Variants in ZNF451 observed in about 807,000 individuals in gnomAD.
ZNF451 encodes E3 SUMO-protein ligase ZNF451.
Under a neutral mutation model 107.1 loss-of-function variants are expected in ZNF451, and 80 were observed. That is an observed-to-expected ratio of 0.75 (90% confidence interval 0.62 to 0.90). The LOEUF is 0.90. Ranked by LOEUF, ZNF451 falls within the 40% of genes least tolerant of loss-of-function variation. ZNF451 has a pLI of 0.00. For missense variants in ZNF451, 1,107 were observed against 1,236.2 expected (o/e 0.90, Z 1.57); for synonymous variants, 362 against 406.5 (o/e 0.89, Z 1.32).
At chr6:57,101,513 C>G in intron 3 of ZNF451, 1 of 1,551,036 alleles carries the variant, frequency 6.4e-7, no homozygotes, top group African/African-American at 1.4e-5. Context: ...CCTCTAGATT[C>G]TACCTCAAAA....
intron 8 of ZNF451, 111 bp downstream of exon 8, chr6:57,141,566 T>A: frequency 9.9e-7 from 1 of 1,011,696 alleles, no homozygotes; most frequent in Non-Finnish European, 1.4e-6. Flanking sequence ...GTTTTAGAAC[T>A]ATGAAAGTAA....
At chr6:57,106,785 C>T in intron 3 of ZNF451, 1 of 985,160 alleles carries the variant, frequency 1.0e-6, no homozygotes, top group Non-Finnish European at 1.2e-6. Flanking sequence ...TAGATCGATT[C>T]TGTGTGGTTT....
At position 57,168,355 on chromosome 6, in the gene ZNF451, C is replaced by T. The variant is rs1763992687; in HGVS notation, c.3140-68C>T. On this transcript the variant is annotated intron_variant, in intron 14 of 14. Coordinates refer to ENST00000370706, the MANE Select transcript of ZNF451 (RefSeq NM_001031623.3). ...CTTGAAAAGAATACAGTCGATGAAA[C>T]TTAAATAAATACAGCACATGTTGAG... The T allele has an allele frequency of 7.2e-6, 8 of 1,118,188 alleles. No individual in the cohort carries two copies. The Middle Eastern group carries it at 6.5e-4, about 91-fold the overall frequency. The allele number at this position is 1,118,188 out of a possible 1,614,324, so 69.3% of individuals were successfully genotyped here. A position where few individuals can be genotyped will look rare whatever the true frequency, so the allele number is the denominator to read the frequency against.
chr6:57,156,376 A>G (rs1763426603), intron 13 of ZNF451, among the ~76,000 whole-genome samples: 1 of 152,176 alleles, frequency 6.6e-6, no homozygotes, highest in African/African-American at 2.4e-5. Context: ...GTTGAGTAAT[A>G]GTTTCTATTA....
At chr6:57,103,479 C>G (rs1829701596) in intron 3 of ZNF451, 5 of 985,372 alleles carry the variant, frequency 5.1e-6, no homozygotes, top group Non-Finnish European at 6.0e-6. Flanking sequence ...GCAGATACCT[C>G]AATTATATGT....
At chr6:57,141,197 C>A in intron 7 of ZNF451, 105 bp from the exon 8 acceptor site, 1 of 897,752 alleles carries the variant, frequency 1.1e-6, no homozygotes, top group Non-Finnish European at 1.6e-6. Flanking sequence ...AAAATTGATA[C>A]AGGATATTGC....
At chr6:57,094,733 A>G (rs1829208035) in intron 2 of ZNF451, among the ~76,000 whole-genome samples, 1 of 152,194 alleles carries the variant, frequency 6.6e-6, no homozygotes, top group Non-Finnish European at 1.5e-5. Context: ...AGATGGGGTA[A>G]TAGAGGTAGT....
chr6:57,107,939 C>T (rs886959872), intron 3 of ZNF451: 40 of 570,432 alleles, frequency 7.0e-5, no homozygotes, highest in African/African-American at 2.3e-4. Context: ...CCCGGGTTCA[C>T]GCCATTCTCC....
At position 57,147,744 on chromosome 6, in the gene ZNF451, T is replaced by C; in HGVS notation, c.1659T>C (p.Phe553=). The C allele has an allele frequency of 2.5e-6, 4 of 1,613,924 alleles. No homozygotes were observed. Among genetic ancestry groups the C allele is most frequent in the Non-Finnish European group, 3.4e-6 (4 of 1,179,978 alleles). The change falls in exon 10 of 15, where the codon TTT becomes TTC. Residue 553 remains phenylalanine, a synonymous_variant. Coordinates refer to ENST00000370706, the MANE Select transcript of ZNF451 (RefSeq NM_001031623.3). ...KDTIMAHVTE[F]HNGHRYFYEM... Reference sequence around the variant, plus strand: ...CTATCATGGCACATGTGACTGAATTTCATAATGGACACAGATATTTTTATG... The same window carrying C: ...CTATCATGGCACATGTGACTGAATTCCATAATGGACACAGATATTTTTATG...
intron 3 of ZNF451, among the ~76,000 whole-genome samples, chr6:57,119,586 AAGAGC>A (rs940038546): frequency 6.6e-6 from 1 of 152,140 alleles, no homozygotes; most frequent in African/African-American, 2.4e-5. Context: ...ACTTTTTAAA[AAGAGC>A]AGTTTTAGGT....
chr6:57,103,677 AC>A, intron 3 of ZNF451: 1 of 985,322 alleles, frequency 1.0e-6, no homozygotes, highest in Non-Finnish European at 1.2e-6. Flanking sequence ...TAATTCTGTA[AC>A]TTCTGCGTTT....
At chr6:57,154,090 G>A in intron 13 of ZNF451, 43 bp downstream of exon 13, 1 of 1,603,450 alleles carries the variant, frequency 6.2e-7, no homozygotes, top group Non-Finnish European at 8.5e-7. Context: ...AAGAGGAGGA[G>A]ACTTCACTGC....
chr6:57,114,494 G>C (rs1291725889), intron 3 of ZNF451, among the ~76,000 whole-genome samples: 1 of 152,118 alleles, frequency 6.6e-6, no homozygotes, highest in Non-Finnish European at 1.5e-5. Flanking sequence ...TAGCCATTAA[G>C]CTTGTTGACC....
At chr6:57,108,586 C>T in intron 3 of ZNF451, 1 of 985,230 alleles carries the variant, frequency 1.0e-6, no homozygotes. Flanking sequence ...TTTTTGCCTT[C>T]AGTAGAATAT....
chr6:57,132,895 T>C (rs1351643796), intron 5 of ZNF451, 147 bp from the exon 6 acceptor site: 2 of 790,122 alleles, frequency 2.5e-6, no homozygotes, highest in East Asian at 2.7e-5. Flanking sequence ...TTATATCTTT[T>C]ATAAGAGAGG....
intron 5 of ZNF451, among the ~76,000 whole-genome samples, chr6:57,129,758 A>G (rs1286783130): frequency 6.6e-6 from 1 of 152,098 alleles, no homozygotes; most frequent in Non-Finnish European, 1.5e-5. Flanking sequence ...TTTTCTCCTT[A>G]TCAACCTGCC....
intron 3 of ZNF451, chr6:57,103,903 T>G: frequency 1.0e-6 from 1 of 985,378 alleles, no homozygotes; most frequent in Non-Finnish European, 1.2e-6. Context: ...CTTTTCTTCC[T>G]TATTTGTGCT....
At chr6:57,115,180 A>G (rs1562600001) in intron 3 of ZNF451, 1 of 152,206 alleles carries the variant, frequency 6.6e-6, no homozygotes. Context: ...GGATTGCTTA[A>G]AAGTGAGCTC....
intron 6 of ZNF451, 36 bp from the exon 7 acceptor site, chr6:57,134,708 T>G: frequency 1.3e-6 from 2 of 1,591,972 alleles, no homozygotes; most frequent in Non-Finnish European, 1.7e-6. Flanking sequence ...AATGTAGATT[T>G]ATCTAATATT....
Sources: allele counts gnomAD v4.1 joint callset (sites outside exome capture counted in the v4.1 genomes callset), GRCh38; gene constraint gnomAD v4.1.1; transcripts MANE v1.5; gene names NCBI Gene and HGNC (gene_info 2026-07-23, HGNC 2026-07-21).